OR2M4: variants seen among roughly 807,000 people sequenced by gnomAD.
OR2M4 encodes the protein olfactory receptor family 2 subfamily M member 4, also known as olfactory receptor 2M4.
OR2M4 carries 8 observed loss-of-function variants against 13.7 expected under a neutral mutation model. The observed-to-expected ratio is 0.58, with a 90% CI of 0.34 to 1.05. The LOEUF (loss-of-function observed/expected upper bound fraction) is 1.05, where lower values mean the gene tolerates loss of function less well. OR2M4 is among the 50% of genes least tolerant of loss of function. The pLI is 0.02. For synonymous variants in OR2M4, 152 were observed against 141.3 expected (o/e 1.08, Z -0.53); for missense variants, 374 against 381.6 (o/e 0.98, Z 0.17).
rs192794351 is a variant in OR2M4 at position 248,239,240 on chromosome 1, T to A, written c.312T>A (p.Tyr104Ter). The change falls in exon 2 of 2, where the codon TAT becomes TAA. Residue 104 changes from tyrosine to a stop codon, truncating the protein, a stop_gained. Transcript: ENST00000641868. LOFTEE classifies it high-confidence loss of function. The stretch of plus-strand genomic sequence containing the variant: ...GTTGTGGAACTCAGATATTCTTCTA[T>A]GTGTCCCTGCTTGGAGCTGAATGTT... ...LAGCGTQIFFYVSLLGAECFL... is the reference protein window; with the variant it reads ...LAGCGTQIFF 32 of 1,614,152 alleles carry A rather than the reference T, an allele frequency of 2.0e-5. No homozygotes were observed. In the East Asian group the frequency reaches 7.1e-4, roughly 36 times the overall value.
intron 1 of OR2M4, among the ~76,000 whole-genome samples, chr1:248,236,838 C>T (rs561729719): frequency 3.0e-4 from 45 of 152,264 alleles, no homozygotes; most frequent in African/African-American, 9.4e-4. Context: ...TTCATGGACA[C>T]ATACTCCCTC....
In OR2M4 at chr1:248,238,982, C is replaced by T. The variant is rs542497942; in HGVS notation, c.54C>T (p.Phe18=). ...FNSIFILLGI[F]NHSPTHTFLF... is the part of the protein sequence containing the mutation. Reference sequence around the variant, plus strand: ...CCATCTTCATCCTGCTGGGAATCTTCAATCACAGTCCCACCCACACCTTCC... The same window carrying T: ...CCATCTTCATCCTGCTGGGAATCTTTAATCACAGTCCCACCCACACCTTCC... The change falls in exon 2 of 2, where the codon TTC becomes TTT. Residue 18 remains phenylalanine, a synonymous_variant. Coordinates refer to ENST00000641868, the MANE Select transcript of OR2M4 (RefSeq NM_017504.2). The T allele has an allele frequency of 6.2e-7, 1 of 1,612,606 alleles. No homozygotes were observed. Among genetic ancestry groups the T allele is most frequent in the South Asian group, 1.1e-5 (1 of 90,672 alleles).
chr1:248,239,123 A>T lies in OR2M4; in HGVS notation c.195A>T (p.Gln65His). ...CCCCCATGTACTTCCTCCTCAGTCA[A>T]CTGTCCCTTATGGACCTCATGCTCA... ...LHTPMYFLLS[Q>H]LSLMDLMLIC... is the part of the protein sequence containing the mutation. Residue 65 changes from glutamine (Q) to histidine (H), a missense_variant, in exon 2 of 2, where the codon CAA (glutamine) becomes CAT (histidine). Physicochemically the swap from Gln to His is conservative, Grantham distance 24 (BLOSUM62 0). Coordinates refer to ENST00000641868, the MANE Select transcript of OR2M4 (RefSeq NM_017504.2). The T allele has an allele frequency of 6.2e-7, 1 of 1,613,952 alleles. No homozygotes were observed. Among genetic ancestry groups the T allele is most frequent in the South Asian group, 1.1e-5 (1 of 91,064 alleles).
chr1:248,235,841 C>T lies in OR2M4; in HGVS notation c.-19-3069C>T, dbSNP rs184504797. Among the ~76,000 whole-genome samples, 262 of 152,118 alleles carry T rather than the reference C, an allele frequency of 1.7e-3. 1 individual carries two copies. Among genetic ancestry groups the T allele is most frequent in the African/African-American group, 6.1e-3 (251 of 41,486 alleles). On this transcript the variant is annotated intron_variant, in intron 1 of 1. Transcript: ENST00000641868. ...CATAGGAATGCTTGTAATTTTTGGACGTTGATTTTGTATCCTGAGACGTTG... is the reference window on the plus strand; with the variant it reads ...CATAGGAATGCTTGTAATTTTTGGATGTTGATTTTGTATCCTGAGACGTTG...
intron 1 of OR2M4, among the ~76,000 whole-genome samples, chr1:248,236,590 A>AC (rs1666559126): frequency 7.0e-6 from 1 of 142,010 alleles, no homozygotes; most frequent in African/African-American, 3.0e-5. Flanking sequence ...ATAGAGACAC[A>AC]AAAAAAAGCC....
rs979119334 is a variant in OR2M4 at position 248,239,855 on chromosome 1, G to A, written c.927G>A (p.Lys309=). The A allele has an allele frequency of 1.9e-6, 3 of 1,589,956 alleles. No individual in the cohort carries two copies. The highest frequency in any genetic ancestry group is 2.6e-6 in the Non-Finnish European group (3 of 1,169,880). Residue 309 remains lysine, a synonymous_variant, in exon 2 of 2, where the codon AAG becomes AAA. Coordinates refer to ENST00000641868, the MANE Select transcript of OR2M4 (RefSeq NM_017504.2). ...TACAGAAGGTACTGAAGAAAAGAAAGTTAATATGACCTTATCAAAATCTTT... is the reference window on the plus strand; with the variant it reads ...TACAGAAGGTACTGAAGAAAAGAAAATTAATATGACCTTATCAAAATCTTT... ...RALQKVLKKR[K]LI
rs1666636103 is a variant in OR2M4 at position 248,243,405 on chromosome 1, G to C, written c.*3541G>C. The stretch of plus-strand genomic sequence containing the variant: ...AGGCACGCTGTCCGGTGGGGGTTGA[G>C]AGAGATGCCTCCTTACCAGGACGAC... On this transcript the variant is annotated 3_prime_UTR_variant, in exon 2 of 2. Transcript: ENST00000641868. 6.6e-6 allele frequency: 1 copy of C among 152,140 alleles called. No homozygotes were observed. The highest frequency in any genetic ancestry group is 2.1e-4 in the South Asian group (1 of 4,828). The allele number at this position is 152,140 out of a possible 1,614,324, so 9.4% of individuals were successfully genotyped here.
At chr1:248,233,011 T>C (rs1425394475) in intron 1 of OR2M4, among the ~76,000 whole-genome samples, 1 of 152,190 alleles carries the variant, frequency 6.6e-6, no homozygotes, top group East Asian at 1.9e-4. Flanking sequence ...ATGGATAATG[T>C]AAATTTTATT....
chr1:248,236,185 A>G (rs1009377773), intron 1 of OR2M4, among the ~76,000 whole-genome samples: 4 of 152,168 alleles, frequency 2.6e-5, no homozygotes, highest in Non-Finnish European at 5.9e-5. Context: ...AACAAATGCA[A>G]AAGAGCTGAA....
intron 1 of OR2M4, among the ~76,000 whole-genome samples, chr1:248,235,931 T>C (rs540375745): frequency 1.8e-4 from 27 of 152,172 alleles, no homozygotes; most frequent in African/African-American, 5.1e-4. Context: ...AGGCATAGGA[T>C]TGTCATCTGC....
intron 1 of OR2M4, among the ~76,000 whole-genome samples, chr1:248,231,897 T>A (rs530241243): frequency 6.6e-6 from 1 of 152,246 alleles, no homozygotes; most frequent in East Asian, 1.9e-4. Flanking sequence ...TTATTTTAAT[T>A]TATTGAATAT....
In OR2M4 at chr1:248,239,112, C is replaced by T. The variant is rs1415855299; in HGVS notation, c.184C>T (p.Leu62Phe). The change falls in exon 2 of 2, where the codon CTC becomes TTC. Residue 62 changes from leucine (L) to phenylalanine (F), a missense_variant. Coordinates refer to ENST00000641868, the MANE Select transcript of OR2M4 (RefSeq NM_017504.2). ...ACAGCTCCACACCCCCATGTACTTC[C>T]TCCTCAGTCAACTGTCCCTTATGGA... ...EKQLHTPMYF[L>F]LSQLSLMDLM... 6.2e-7 allele frequency: 1 copy of T among 1,613,996 alleles called. No homozygotes were observed. Among genetic ancestry groups the T allele is most frequent in the East Asian group, 2.2e-5 (1 of 44,882 alleles).
In OR2M4 at chr1:248,239,274, G is replaced by T. The variant is rs781036193; in HGVS notation, c.346G>T (p.Ala116Ser). The T allele has an allele frequency of 1.9e-6, 3 of 1,613,928 alleles. No homozygotes were observed. The Admixed American group carries it at 5.0e-5, about 27-fold the overall frequency. The change falls in exon 2 of 2, where the codon GCT (alanine) becomes TCT (serine). Residue 116 changes from alanine to serine, a missense_variant. By Grantham distance (99) the Ala-to-Ser change is moderately conservative. Coordinates refer to ENST00000641868, the MANE Select transcript of OR2M4 (RefSeq NM_017504.2). ...GCTTGGAGCTGAATGTTTCTTGTTG[G>T]CTGTCATGGCTTATGACCGCTATGT... ...SLLGAECFLL[A>S]VMAYDRYVAI...
intron 1 of OR2M4, among the ~76,000 whole-genome samples, chr1:248,237,328 C>G (rs189631547): frequency 8.5e-5 from 13 of 152,164 alleles, no homozygotes; most frequent in Non-Finnish European, 1.9e-4. Flanking sequence ...ACAGAAAAGG[C>G]CTTAGATAAA....
chr1:248,239,351 T>A lies in OR2M4; in HGVS notation c.423T>A (p.Cys141Ter). 1 of 1,614,122 alleles carries A rather than the reference T, an allele frequency of 6.2e-7. No individual in the cohort carries two copies. The change falls in exon 2 of 2, where the codon TGT (cysteine) becomes TGA (stop). Residue 141 changes from cysteine (C) to a stop codon, truncating the protein, a stop_gained. Coordinates refer to ENST00000641868, the MANE Select transcript of OR2M4 (RefSeq NM_017504.2). LOFTEE classifies it high-confidence loss of function. The part of the protein sequence containing the change: ...QYTILMNPKL[C>*]VFMTVASWTL... ...CCATCCTCATGAATCCGAAACTCTG[T>A]GTCTTCATGACTGTTGCTTCCTGGA...
rs1275493063 is a variant in OR2M4 at position 248,242,451 on chromosome 1, G to T, written c.*2587G>T. On this transcript the variant is annotated 3_prime_UTR_variant, in exon 2 of 2. Transcript: ENST00000641868. ...ATTTTTGTATTTTTAGTAGAGACGGGATTTCACCATGTTGGCCAGGATGGT... is the reference window on the plus strand; with the variant it reads ...ATTTTTGTATTTTTAGTAGAGACGGTATTTCACCATGTTGGCCAGGATGGT... 2 of 152,152 alleles carry T rather than the reference G, an allele frequency of 1.3e-5. No individual in the cohort carries two copies. Among genetic ancestry groups the T allele is most frequent in the South Asian group, 2.1e-4 (1 of 4,818 alleles). The allele number at this position is 152,152 out of a possible 1,614,324, so 9.4% of individuals were successfully genotyped here.
chr1:248,238,851 C>A, intron 1 of OR2M4, 59 bp from the exon 2 acceptor site: 1 of 1,081,116 alleles, frequency 9.2e-7, no homozygotes, highest in Non-Finnish European at 1.4e-6. Flanking sequence ...GAGTATGTCA[C>A]AGTATGTGTT....
rs539284118 is a variant in OR2M4, at chr1:248,235,379, C to T, written c.-19-3531C>T. 3.9e-5 allele frequency among the ~76,000 whole-genome samples: 6 copies of T among 152,198 alleles called. No individual in the cohort carries two copies. The South Asian group carries it at 8.3e-4, about 21-fold the overall frequency. ...GTTGGTCTATGTGTCTGTTTTGGTA[C>T]GAGTACCATGCTGTTTTGATTGCTG... On this transcript the variant is annotated intron_variant, in intron 1 of 1. Transcript: ENST00000641868.
Position 248,239,491 on chromosome 1 carries a change from C to T in OR2M4, c.563C>T (p.Ser188Phe). The change falls in exon 2 of 2, where the codon TCC (serine) becomes TTC (phenylalanine). Residue 188 changes from serine (S) to phenylalanine (F), a missense_variant. Ser to Phe is a radical substitution (Grantham distance 155). Coordinates refer to ENST00000641868, the MANE Select transcript of OR2M4 (RefSeq NM_017504.2). ...FCDVAALLPL[S>F]CTETSAFERL... is the part of the protein sequence containing the mutation. ...GATGTTGCTGCCCTTTTACCTCTATCCTGCACAGAAACATCTGCATTTGAA... is the reference window on the plus strand; with the variant it reads ...GATGTTGCTGCCCTTTTACCTCTATTCTGCACAGAAACATCTGCATTTGAA... The T allele has an allele frequency of 1.9e-6, 3 of 1,614,078 alleles. 1 individual carries two copies. In the South Asian group the frequency reaches 3.3e-5, roughly 18 times the overall value.
Sources: allele counts gnomAD v4.1 joint callset (sites outside exome capture counted in the v4.1 genomes callset), GRCh38; gene constraint gnomAD v4.1.1; transcripts MANE v1.5; gene names NCBI Gene and HGNC (gene_info 2026-07-23, HGNC 2026-07-21).